SLIT2: variants seen among roughly 807,000 people sequenced by gnomAD.
The protein encoded by SLIT2 is slit guidance ligand 2, also known as slit homolog 2 protein.
A neutral mutation model predicts 185.7 loss-of-function variants in SLIT2; 41 were observed. That is an observed-to-expected ratio of 0.22 (90% CI 0.17 to 0.29). The LOEUF (loss-of-function observed/expected upper bound fraction) is 0.29. Among genes scored for constraint, SLIT2 ranks in the 10% least tolerant of loss-of-function variants. SLIT2 has a pLI of 1.00. For missense variants in SLIT2, 1,571 were observed against 1,909.0 expected (o/e 0.82, Z 3.30); for synonymous variants, 693 against 680.2 (o/e 1.02, Z -0.29).
At chr4:20,574,678 T>C (rs1249749950) in intron 29 of SLIT2, among the ~76,000 whole-genome samples, 4 of 151,496 alleles carry the variant, frequency 2.6e-5, no homozygotes, top group African/African-American at 9.7e-5. Flanking sequence ...TCCCAGCCAC[T>C]TGGGAGGCTG....
At chr4:20,413,573 A>C (rs1051185451) in intron 4 of SLIT2, among the ~76,000 whole-genome samples, 4 of 151,950 alleles carry the variant, frequency 2.6e-5, no homozygotes, top group African/African-American at 7.2e-5. Flanking sequence ...TAAATTGTTT[A>C]TCTCTCATTT....
chr4:20,400,440 A>G (rs1044329315), intron 4 of SLIT2, among the ~76,000 whole-genome samples: 25 of 151,886 alleles, frequency 1.6e-4, no homozygotes, highest in African/African-American at 5.3e-4. Flanking sequence ...TGAGTATACT[A>G]TGTTTTCAAG....
intron 4 of SLIT2, among the ~76,000 whole-genome samples, chr4:20,463,646 G>A (rs953688635): frequency 4.0e-5 from 6 of 149,648 alleles, no homozygotes; most frequent in Non-Finnish European, 7.4e-5. Flanking sequence ...AGGCCGAGGC[G>A]GGTGGATCAC....
intron 4 of SLIT2, among the ~76,000 whole-genome samples, chr4:20,402,865 G>A (rs934303596): frequency 6.6e-6 from 1 of 151,596 alleles, no homozygotes; most frequent in Non-Finnish European, 1.5e-5. Flanking sequence ...ATAAGTTGAA[G>A]TACTTTATAA....
At chr4:20,436,148 T>C (rs973236771) in intron 4 of SLIT2, among the ~76,000 whole-genome samples, 1 of 152,260 alleles carries the variant, frequency 6.6e-6, no homozygotes, top group African/African-American at 2.4e-5. Flanking sequence ...AGACTTCAGT[T>C]AAGTAGATTA....
At chr4:20,272,281 A>AT (rs1295233836) in intron 4 of SLIT2, among the ~76,000 whole-genome samples, 1 of 151,134 alleles carries the variant, frequency 6.6e-6, no homozygotes, top group Admixed American at 6.6e-5. Flanking sequence ...TAAAAAAAAA[A>AT]AAAATAAGCC....
intron 4 of SLIT2, among the ~76,000 whole-genome samples, chr4:20,272,415 G>T (rs1014223172): frequency 6.6e-6 from 1 of 152,172 alleles, no homozygotes; most frequent in South Asian, 2.1e-4. Flanking sequence ...TCTGGAGCTG[G>T]TTAACTGAAG....
chr4:20,574,724 T>C lies in SLIT2; in HGVS notation c.3088+5720T>C, dbSNP rs138921580. 9.4e-3 allele frequency among the ~76,000 whole-genome samples: 1,405 copies of C among 149,818 alleles called. 18 individuals are homozygous for C. The highest frequency in any genetic ancestry group is 0.033 in the African/African-American group (1,322 of 40,584). The stretch of plus-strand genomic sequence containing the variant: ...ATCGCTTGAACCTAGGAGGCAGAGG[T>C]TGCAGTGAGCCGAGATTGTGCCAGT... On this transcript the variant is annotated intron_variant, in intron 29 of 36. Coordinates refer to ENST00000504154, the MANE Select transcript of SLIT2 (RefSeq NM_004787.4).
At chr4:20,386,340 C>T (rs1724935043) in intron 4 of SLIT2, among the ~76,000 whole-genome samples, 1 of 152,132 alleles carries the variant, frequency 6.6e-6, no homozygotes, top group Non-Finnish European at 1.5e-5. Context: ...ATGGCTTCAT[C>T]TAAGATGTAA....
At chr4:20,461,603 GT>G (rs1375567212) in intron 4 of SLIT2, among the ~76,000 whole-genome samples, 2 of 152,130 alleles carry the variant, frequency 1.3e-5, no homozygotes, top group African/African-American at 4.8e-5. Context: ...AGATGAGATG[GT>G]AGGTGCGATC....
Position 20,426,831 on chromosome 4 carries a change from CCAAAA to C in SLIT2, c.396-40917_396-40913del, listed in dbSNP as rs541734499. On this transcript the variant is annotated intron_variant, in intron 4 of 36. Coordinates refer to ENST00000504154, the MANE Select transcript of SLIT2 (RefSeq NM_004787.4). The stretch of plus-strand genomic sequence containing the variant: ...GGGCTTATATTCTTTCATTTAAACC[CCAAAA>C]CAACTGTCTGGGGAAGATTTCATTG... Among the ~76,000 whole-genome samples the C allele has an allele frequency of 2.6e-5, 4 of 152,156 alleles. No individual in the cohort carries two copies. The East Asian group carries it at 5.8e-4, about 22-fold the overall frequency.
chr4:20,353,162 G>A lies in SLIT2; in HGVS notation c.395+84281G>A, dbSNP rs148184592. Among the ~76,000 whole-genome samples the A allele has an allele frequency of 3.9e-3, 594 of 152,248 alleles. 3 individuals are homozygous for A. Among genetic ancestry groups the A allele is most frequent in the African/African-American group, 0.013 (536 of 41,544 alleles). On this transcript the variant is annotated intron_variant, in intron 4 of 36. Coordinates refer to ENST00000504154, the MANE Select transcript of SLIT2 (RefSeq NM_004787.4). Reference sequence around the variant, plus strand: ...AAACAGGTTTGTATTGATTCAGATTGTGTGTGCATTCATAGCAGATGTGGA... The same window carrying A: ...AAACAGGTTTGTATTGATTCAGATTATGTGTGCATTCATAGCAGATGTGGA...
chr4:20,464,371 C>G (rs144156682), intron 4 of SLIT2, among the ~76,000 whole-genome samples: 2 of 152,222 alleles, frequency 1.3e-5, no homozygotes, highest in East Asian at 3.9e-4. Context: ...GGATGCATTC[C>G]CCAGTTGGTA....
intron 4 of SLIT2, among the ~76,000 whole-genome samples, chr4:20,386,136 G>A (rs985320129): frequency 6.6e-6 from 1 of 152,126 alleles, no homozygotes; most frequent in Non-Finnish European, 1.5e-5. Flanking sequence ...ACTCATAAGA[G>A]AATAATTTGG....
chr4:20,500,051 T>A (rs1030113241), intron 9 of SLIT2, among the ~76,000 whole-genome samples: 14 of 152,202 alleles, frequency 9.2e-5, no homozygotes, highest in Non-Finnish European at 1.8e-4. Context: ...TGAACTTGAC[T>A]ACTATTCAGA....
At position 20,484,528 on chromosome 4, in the gene SLIT2, G is replaced by A. The variant is rs1717017966; in HGVS notation, c.540-1672G>A. Among the ~76,000 whole-genome samples the A allele has an allele frequency of 6.6e-6, 1 of 151,928 alleles. No homozygotes were observed. Among genetic ancestry groups the A allele is most frequent in the Admixed American group, 6.6e-5 (1 of 15,238 alleles). ...CATTGCAAAACAAGGTGGTAAAGAG[G>A]GTCCATGCATGATCTGGGTCTCTAG... On this transcript the variant is annotated intron_variant, in intron 6 of 36. Transcript: ENST00000504154. The surrounding 1 kb of genome is among the most constrained non-coding windows in gnomAD (Gnocchi z 4.3).
At chr4:20,380,444 G>A (rs1724403293) in intron 4 of SLIT2, among the ~76,000 whole-genome samples, 1 of 152,040 alleles carries the variant, frequency 6.6e-6, no homozygotes, top group African/African-American at 2.4e-5. Flanking sequence ...AACAGAGGAA[G>A]TAAAAATCAA....
intron 4 of SLIT2, among the ~76,000 whole-genome samples, chr4:20,440,854 TA>T (rs1408291922): frequency 6.6e-6 from 1 of 152,184 alleles, no homozygotes; most frequent in Non-Finnish European, 1.5e-5. Context: ...GCATAATTTT[TA>T]AGAGACTCAC....
At chr4:20,339,455 G>A (rs1417514662) in intron 4 of SLIT2, among the ~76,000 whole-genome samples, 1 of 152,120 alleles carries the variant, frequency 6.6e-6, no homozygotes, top group Non-Finnish European at 1.5e-5. Flanking sequence ...GAGCAAAAGG[G>A]TATGGTACTA....
Sources: gnomAD v4.1 joint callset for allele counts (sites outside exome capture counted in the v4.1 genomes callset) on GRCh38, gnomAD v4.1.1 for gene constraint, Gnocchi (gnomAD v3.1) non-coding constraint, MANE v1.5 for transcripts, NCBI Gene and HGNC (gene_info 2026-07-23, HGNC 2026-07-21) for gene names.